CRACDL: variants seen among roughly 807,000 people sequenced by gnomAD.
CRACDL encodes CRACD-like protein.
A neutral mutation model predicts 70.6 loss-of-function variants in CRACDL; 26 were observed. The observed-to-expected ratio is 0.37, with a 90% CI of 0.27 to 0.51. The LOEUF (loss-of-function observed/expected upper bound fraction) is 0.51. CRACDL is among the 20% of genes least tolerant of loss of function. The pLI is 0.94. For synonymous variants in CRACDL, 618 were observed against 615.2 expected (o/e 1.00, Z -0.07); for missense variants, 1,283 against 1,376.9 (o/e 0.93, Z 1.08).
chr2:98,863,991 G>A (rs1308329639), intron 1 of CRACDL, among the ~76,000 whole-genome samples: 1 of 152,146 alleles, frequency 6.6e-6, no homozygotes, highest in Non-Finnish European at 1.5e-5. Flanking sequence ...GGACAGTGAT[G>A]ATGACTGCAC....
intron 1 of CRACDL, among the ~76,000 whole-genome samples, chr2:98,899,246 C>A (rs908822283): frequency 1.2e-4 from 19 of 152,204 alleles, no homozygotes; most frequent in Non-Finnish European, 2.1e-4. Flanking sequence ...GGCCGCTGGG[C>A]CACACAAAGG....
chr2:98,925,018 C>T (rs887723077), intron 1 of CRACDL, among the ~76,000 whole-genome samples: 9 of 152,342 alleles, frequency 5.9e-5, no homozygotes, highest in Non-Finnish European at 1.3e-4. Context: ...TAGCACGGGG[C>T]CCCACCAGGG....
chr2:98,873,919 T>C (rs1707415463), intron 1 of CRACDL, among the ~76,000 whole-genome samples: 1 of 152,192 alleles, frequency 6.6e-6, no homozygotes, highest in Non-Finnish European at 1.5e-5. Flanking sequence ...GGTACAACAA[T>C]TGCTTGAACC....
intron 1 of CRACDL, among the ~76,000 whole-genome samples, chr2:98,869,561 T>C (rs1217679057): frequency 1.3e-5 from 2 of 152,122 alleles, no homozygotes; most frequent in South Asian, 4.1e-4. Context: ...GCATTCCCCA[T>C]CTGAGGAAGG....
intron 1 of CRACDL, chr2:98,912,822 G>A (rs1048556996): frequency 6.6e-6 from 1 of 152,334 alleles, no homozygotes; most frequent in African/African-American, 2.4e-5. Flanking sequence ...TCAATGGCCA[G>A]GGGTCCGTCC....
chr2:98,843,198 T>A (rs1575377859), intron 2 of CRACDL, among the ~76,000 whole-genome samples: 2 of 152,214 alleles, frequency 1.3e-5, no homozygotes, highest in South Asian at 4.1e-4. Flanking sequence ...TACATCTTCT[T>A]AGGTAAAGCA....
At chr2:98,925,522 A>G (rs1708890311) in intron 1 of CRACDL, among the ~76,000 whole-genome samples, 1 of 152,200 alleles carries the variant, frequency 6.6e-6, no homozygotes, top group Non-Finnish European at 1.5e-5. Flanking sequence ...CTGAATAGCC[A>G]CAACAGTACT....
At chr2:98,932,588 G>C (rs926062886) in intron 1 of CRACDL, among the ~76,000 whole-genome samples, 1 of 152,130 alleles carries the variant, frequency 6.6e-6, no homozygotes, top group African/African-American at 2.4e-5. Context: ...ACAGTGGGCC[G>C]GGCTGTGTAC....
At chr2:98,828,569 G>T (rs1235933924) in intron 5 of CRACDL, among the ~76,000 whole-genome samples, 2 of 152,168 alleles carry the variant, frequency 1.3e-5, no homozygotes, top group African/African-American at 4.8e-5. Flanking sequence ...ACCCGGACAG[G>T]GAACCATAAG....
chr2:98,818,363 C>T (rs753116660), intron 7 of CRACDL, among the ~76,000 whole-genome samples: 3 of 152,160 alleles, frequency 2.0e-5, no homozygotes, highest in South Asian at 2.1e-4. Flanking sequence ...TCTGCTGAAG[C>T]GTCCCTCCAT....
At chr2:98,798,148 C>G (rs6753465) in intron 7 of CRACDL, among the ~76,000 whole-genome samples, 51,423 of 151,964 alleles carry the variant, frequency 0.34, 9,137 homozygotes, top group African/African-American at 0.43. Context: ...AGTTCGAGAC[C>G]AACTTGGTCA....
chr2:98,887,469 CAAAGAAAA>C (rs1296314579), intron 1 of CRACDL, among the ~76,000 whole-genome samples: 3 of 150,806 alleles, frequency 2.0e-5, no homozygotes, highest in Non-Finnish European at 3.0e-5. Flanking sequence ...GCCGGGGTGA[CAAAGAAAA>C]AAAGAAAAAG....
intron 1 of CRACDL, among the ~76,000 whole-genome samples, chr2:98,857,271 G>C (rs1299382838): frequency 6.6e-6 from 1 of 152,052 alleles, no homozygotes; most frequent in Non-Finnish European, 1.5e-5. Flanking sequence ...AATGGTAAGA[G>C]GTTGATATAT....
intron 1 of CRACDL, among the ~76,000 whole-genome samples, chr2:98,903,690 C>A (rs1708338853): frequency 6.6e-6 from 1 of 152,202 alleles, no homozygotes; most frequent in Non-Finnish European, 1.5e-5. Flanking sequence ...ATCTGATTAA[C>A]CTCAAACTCT....
intron 7 of CRACDL, among the ~76,000 whole-genome samples, chr2:98,801,204 T>A (rs1704061340): frequency 6.6e-6 from 1 of 152,196 alleles, no homozygotes; most frequent in African/African-American, 2.4e-5. Flanking sequence ...GCCCTTGTAA[T>A]CTCTAGGCCC....
rs951194593 is a variant in CRACDL at position 98,815,754 on chromosome 2, G to A, written c.2416+6103C>T. On this transcript the variant is annotated intron_variant, in intron 7 of 9. Coordinates refer to ENST00000397899, the MANE Select transcript of CRACDL (RefSeq NM_207362.3). ...GCTAAAGGACCGTTGCCCTGCAGAG[G>A]GTACTGCTACCATCTTCAGCAGGGG... Among the ~76,000 whole-genome samples, 9 of 152,156 alleles carry A rather than the reference G, an allele frequency of 5.9e-5. 1 individual carries two copies. Among genetic ancestry groups the A allele is most frequent in the African/African-American group, 2.2e-4 (9 of 41,434 alleles).
At chr2:98,928,448 G>C (rs981172336) in intron 1 of CRACDL, among the ~76,000 whole-genome samples, 2 of 152,178 alleles carry the variant, frequency 1.3e-5, no homozygotes, top group Non-Finnish European at 2.9e-5. Flanking sequence ...CAGCCTGACT[G>C]AGGTGAGGGA....
At chr2:98,934,300 G>A (rs1255146382) in intron 1 of CRACDL, among the ~76,000 whole-genome samples, 3 of 149,288 alleles carry the variant, frequency 2.0e-5, no homozygotes, top group Admixed American at 1.4e-4. Context: ...CCTGGTTCAA[G>A]CAATTCCCCT....
intron 1 of CRACDL, among the ~76,000 whole-genome samples, chr2:98,896,211 G>T (rs933591666): frequency 6.6e-6 from 1 of 152,104 alleles, no homozygotes; most frequent in Non-Finnish European, 1.5e-5. Flanking sequence ...GAGAAGACAC[G>T]GCAAGCATGC....
Sources: gnomAD v4.1 joint callset for allele counts (sites outside exome capture counted in the v4.1 genomes callset) on GRCh38, gnomAD v4.1.1 for gene constraint, MANE v1.5 for transcripts, NCBI Gene and HGNC (gene_info 2026-07-23, HGNC 2026-07-21) for gene names.